HCN4: variants seen among roughly 807,000 people sequenced by gnomAD.
The protein encoded by HCN4 is hyperpolarization activated cyclic nucleotide gated potassium channel 4, also known as potassium/sodium hyperpolarization-activated cyclic nucleotide-gated channel 4.
A neutral mutation model predicts 76.9 loss-of-function variants in HCN4; 29 were observed. The ratio of observed to expected loss-of-function variants is 0.38; its 90% CI spans 0.28 to 0.51. HCN4 has a LOEUF of 0.51. Ranked by LOEUF, HCN4 falls within the 20% of genes least tolerant of loss-of-function variation. The pLI is 0.90. For missense variants in HCN4, 1,416 were observed against 1,715.2 expected (o/e 0.83, Z 3.08); for synonymous variants, 772 against 762.5 (o/e 1.01, Z -0.21).
intron 2 of HCN4, chr15:73,341,013 C>T (rs2042998247): frequency 6.6e-6 from 1 of 150,872 alleles, no homozygotes; most frequent in Non-Finnish European, 1.5e-5. Flanking sequence ...CTCTTGACAG[C>T]TAAGTATGGG....
intron 1 of HCN4, among the ~76,000 whole-genome samples, chr15:73,362,170 A>C (rs2043107725): frequency 6.6e-6 from 1 of 152,210 alleles, no homozygotes; most frequent in Non-Finnish European, 1.5e-5. Context: ...AGAGCAAGCT[A>C]TGAATCCCAC....
Position 73,367,960 on chromosome 15 carries a change from C to T in HCN4, c.311G>A (p.Gly104Asp). Reference sequence around the variant, plus strand: ...GCCGCCGCTGCCGCCGCCCCGGCTGCCCAGCGAGGCCAGGCTCCCGCGGAA... The same window carrying T: ...GCCGCCGCTGCCGCCGCCCCGGCTGTCCAGCGAGGCCAGGCTCCCGCGGAA... ...RRFRGSLASL[G>D]SRGGGSGGTG... The change falls in exon 1 of 8, where the codon GGC becomes GAC. Residue 104 changes from glycine (G) to aspartate (D), a missense_variant. By Grantham distance (94) the Gly-to-Asp change is moderately conservative. Transcript: ENST00000261917. The surrounding 1 kb of genome is among the most constrained non-coding windows in gnomAD (Gnocchi z 7.5). The T allele has an allele frequency of 7.4e-7, 1 of 1,349,166 alleles. No homozygotes were observed. The highest frequency in any genetic ancestry group is 2.0e-5 in the South Asian group (1 of 49,844). The allele number at this position is 1,349,166 out of a possible 1,614,324, so 83.6% of individuals were successfully genotyped here.
chr15:73,348,132 T>C (rs1178372384), intron 1 of HCN4, among the ~76,000 whole-genome samples: 2 of 152,334 alleles, frequency 1.3e-5, no homozygotes, highest in East Asian at 1.9e-4. Context: ...AGGAAGTTCA[T>C]AGCCTCAAGG....
At chr15:73,362,738 C>T (rs1008743124) in intron 1 of HCN4, among the ~76,000 whole-genome samples, 1 of 152,196 alleles carries the variant, frequency 6.6e-6, no homozygotes, top group Non-Finnish European at 1.5e-5. Flanking sequence ...AGCTACCTGG[C>T]AGCCCAAAAC....
Position 73,367,044 on chromosome 15 carries a change from T to C in HCN4, c.785+442A>G, listed in dbSNP as rs1035953416. On this transcript the variant is annotated intron_variant, in intron 1 of 7. Transcript: ENST00000261917. The surrounding 1 kb of genome is among the most constrained non-coding windows in gnomAD (Gnocchi z 7.5). The stretch of plus-strand genomic sequence containing the variant: ...CCAGAAAGCAGACATAAATGCCTGC[T>C]GTCAGCACCCAAGGAGCTGGCCCGT... Among the ~76,000 whole-genome samples, 4 of 152,228 alleles carry C rather than the reference T, an allele frequency of 2.6e-5. No individual in the cohort carries two copies. Among genetic ancestry groups the C allele is most frequent in the Non-Finnish European group, 5.9e-5 (4 of 68,038 alleles).
chr15:73,368,107 G>C lies in HCN4; in HGVS notation c.164C>G (p.Ser55Trp). 6.7e-7 allele frequency: 1 copy of C among 1,503,316 alleles called. No homozygotes were observed. Among genetic ancestry groups the C allele is most frequent in the East Asian group, 2.7e-5 (1 of 36,668 alleles). 93.1% of individuals were successfully genotyped at this position (1,503,316 alleles called of 1,614,324 possible). ...ACCCGCGGCCGCCGAGGGGGAGGGC[G>C]AGGGCAGTGGCCGCAGCCGGATGCT... The part of the protein sequence containing the change: ...RRSIRLRPLP[S>W]PSPSAAAGGT... Residue 55 changes from serine (S) to tryptophan (W), a missense_variant, in exon 1 of 8, where the codon TCG becomes TGG. By Grantham distance (177) the Ser-to-Trp change is radical. Around this residue, in one of 6 missense-constraint regions of HCN4, gnomAD observed 355 missense variants for 347.8 expected, o/e 1.02. Coordinates refer to ENST00000261917, the MANE Select transcript of HCN4 (RefSeq NM_005477.3). The surrounding 1 kb of genome is among the most constrained non-coding windows in gnomAD (Gnocchi z 6.9).
At chr15:73,345,692 G>A (rs909144850) in intron 1 of HCN4, among the ~76,000 whole-genome samples, 9 of 152,060 alleles carry the variant, frequency 5.9e-5, no homozygotes, top group African/African-American at 2.2e-4. Context: ...CACACACACA[G>A]TGCACAAACA....
rs1472107779 is a variant in HCN4 at position 73,364,879 on chromosome 15, C to T, written c.785+2607G>A. ...AGCAATGGGAGATGCTGGAAGCAGC[C>T]CATCACAGCCAGCCCTGAACTCCAA... On this transcript the variant is annotated intron_variant, in intron 1 of 7. Transcript: ENST00000261917. Among the ~76,000 whole-genome samples, 3 of 152,180 alleles carry T rather than the reference C, an allele frequency of 2.0e-5. No individual in the cohort carries two copies. The East Asian group carries it at 5.8e-4, about 29-fold the overall frequency.
intron 4 of HCN4, among the ~76,000 whole-genome samples, chr15:73,326,801 T>G (rs2042902822): frequency 6.7e-6 from 1 of 150,274 alleles, no homozygotes. Context: ...TTATTTTTTT[T>G]GTTAAGACAG....
chr15:73,353,747 G>A (rs1019115380), intron 1 of HCN4, among the ~76,000 whole-genome samples: 2 of 152,106 alleles, frequency 1.3e-5, no homozygotes, highest in African/African-American at 4.8e-5. Context: ...CTCCCTGCCT[G>A]TGTCCTGGGG....
chr15:73,325,422 A>G lies in HCN4; in HGVS notation c.1613T>C (p.Met538Thr). The part of the protein sequence containing the change: ...QEKYKQVEQY[M>T]SFHKLPPDTR... ...GTCGGGCGGGAGCTTGTGAAAGGAC[A>G]TGTACTGCTCCACCTGCTTGTACTG... Residue 538 changes from methionine to threonine, a missense_variant, in exon 5 of 8, where the codon ATG (methionine) becomes ACG (threonine). Physicochemically the swap from Met to Thr is moderately conservative, Grantham distance 81. Transcript: ENST00000261917. The surrounding 1 kb of genome is among the most constrained non-coding windows in gnomAD (Gnocchi z 7.4). 6.2e-7 allele frequency: 1 copy of G among 1,614,118 alleles called. No individual in the cohort carries two copies. Among genetic ancestry groups the G allele is most frequent in the Non-Finnish European group, 8.5e-7 (1 of 1,179,976 alleles).
chr15:73,346,521 G>A (rs1005845312), intron 1 of HCN4, among the ~76,000 whole-genome samples: 5 of 152,154 alleles, frequency 3.3e-5, no homozygotes, highest in Non-Finnish European at 7.3e-5. Context: ...GGATCACAGA[G>A]GAGCCTGTAA....
chr15:73,358,204 C>A (rs1366465396), intron 1 of HCN4, among the ~76,000 whole-genome samples: 1 of 152,302 alleles, frequency 6.6e-6, no homozygotes, highest in East Asian at 1.9e-4. Context: ...GGCCCCCACA[C>A]TGCAGGAAGC....
At chr15:73,354,602 G>C (rs1197626158) in intron 1 of HCN4, among the ~76,000 whole-genome samples, 1 of 152,200 alleles carries the variant, frequency 6.6e-6, no homozygotes, top group Non-Finnish European at 1.5e-5. Context: ...GTGCTCTGCT[G>C]TGAGGCCTTG....
intron 1 of HCN4, among the ~76,000 whole-genome samples, chr15:73,354,686 G>C (rs1236878527): frequency 6.6e-6 from 1 of 152,192 alleles, no homozygotes; most frequent in Non-Finnish European, 1.5e-5. Context: ...CCTCACAGGA[G>C]TCTAGGAAGA....
intron 3 of HCN4, 150 bp from the exon 4 acceptor site, chr15:73,329,941 G>T: frequency 1.5e-6 from 1 of 667,808 alleles, no homozygotes; most frequent in South Asian, 1.8e-5. Context: ...TGAAAGCCTT[G>T]GGTGAGAAGC....
chr15:73,347,978 C>A (rs1367437957), intron 1 of HCN4, among the ~76,000 whole-genome samples: 1 of 152,234 alleles, frequency 6.6e-6, no homozygotes. Context: ...TCCACCCAGG[C>A]AGGCAGGTGG....
At chr15:73,344,995 A>T (rs186231085) in intron 1 of HCN4, among the ~76,000 whole-genome samples, 1 of 152,364 alleles carries the variant, frequency 6.6e-6, no homozygotes, top group East Asian at 1.9e-4. Context: ...GTGAGGCAGA[A>T]ATAAGCATGT....
chr15:73,326,787 TTA>T (rs2042902206), intron 4 of HCN4, among the ~76,000 whole-genome samples: 8 of 150,620 alleles, frequency 5.3e-5, no homozygotes, highest in Admixed American at 1.3e-4. Flanking sequence ...ATTTATTTAT[TTA>T]TTTATTTTTT....
Sources: gnomAD v4.1 joint callset for allele counts (sites outside exome capture counted in the v4.1 genomes callset) on GRCh38, gnomAD v4.1.1 for gene constraint, gnomAD v4.1.1 regional missense constraint, Gnocchi (gnomAD v3.1) non-coding constraint, MANE v1.5 for transcripts, NCBI Gene and HGNC (gene_info 2026-07-23, HGNC 2026-07-21) for gene names.